Variants in KCNMA1 observed in about 807,000 individuals in gnomAD.
KCNMA1 encodes the protein Calcium-activated potassium channel subunit alpha-1.
KCNMA1 carries 29 observed loss-of-function variants against 140.0 expected under a neutral mutation model. The ratio of observed to expected loss-of-function variants is 0.21; its 90% CI spans 0.15 to 0.28. The LOEUF (loss-of-function observed/expected upper bound fraction) is 0.28, where lower values mean the gene tolerates loss of function less well. Among genes scored for constraint, KCNMA1 ranks in the 10% least tolerant of loss-of-function variants. The pLI, the probability that KCNMA1 is intolerant of heterozygous loss-of-function variation, is 1.00. For missense variants in KCNMA1, 880 were observed against 1,602.2 expected (o/e 0.55, Z 7.70); for synonymous variants, 612 against 611.9 (o/e 1.00, Z 0.00).
At chr10:76,945,452 T>C (rs1221426318) in intron 22 of KCNMA1, among the ~76,000 whole-genome samples, 1 of 152,042 alleles carries the variant, frequency 6.6e-6, no homozygotes, top group South Asian at 2.1e-4. Flanking sequence ...AAATGGCCAG[T>C]GAGCACAGAG....
At chr10:77,222,429 A>G (rs573362363) in intron 3 of KCNMA1, among the ~76,000 whole-genome samples, 6 of 152,350 alleles carry the variant, frequency 3.9e-5, no homozygotes, top group South Asian at 2.1e-4. Flanking sequence ...AAACATTTCA[A>G]TCATGTACAA....
At chr10:76,901,217 A>C (rs2045213921) in intron 25 of KCNMA1, 1 of 152,202 alleles carries the variant, frequency 6.6e-6, no homozygotes, top group Non-Finnish European at 1.5e-5. Flanking sequence ...TTTAGAAGGA[A>C]AGACACCAAA....
chr10:77,370,905 A>G (rs2094655206), intron 2 of KCNMA1, among the ~76,000 whole-genome samples: 1 of 152,102 alleles, frequency 6.6e-6, no homozygotes, highest in Non-Finnish European at 1.5e-5. Context: ...TGCACAAAAT[A>G]CCTGATACAC....
At position 77,440,483 on chromosome 10, in the gene KCNMA1, C is replaced by A. The variant is rs17411325; in HGVS notation, c.379-36460G>T. ...CGCTGCTTGCTAGAGAAGCCCAAGA[C>A]CCCCTCTCTGACCTCCAGGAAGACT... On this transcript the variant is annotated intron_variant, in intron 1 of 27. Transcript: ENST00000286628. Among the ~76,000 whole-genome samples, 979 of 152,302 alleles carry A rather than the reference C, an allele frequency of 6.4e-3. 10 individuals carry two copies. Among genetic ancestry groups the A allele is most frequent in the Middle Eastern group, 0.054 (16 of 294 alleles).
intron 1 of KCNMA1, among the ~76,000 whole-genome samples, chr10:77,620,415 T>C (rs1029670795): frequency 2.0e-5 from 3 of 152,060 alleles, no homozygotes; most frequent in African/African-American, 7.2e-5. Context: ...GAGGTAAAAA[T>C]AGCACAGTTG....
At chr10:77,157,906 C>G (rs1367418579) in intron 5 of KCNMA1, among the ~76,000 whole-genome samples, 1 of 152,200 alleles carries the variant, frequency 6.6e-6, no homozygotes, top group Non-Finnish European at 1.5e-5. Context: ...CAAGGTCCTC[C>G]TCCTCCTTAG....
rs148237681 is a variant in KCNMA1 at position 77,490,076 on chromosome 10, A to T, written c.379-86053T>A. On this transcript the variant is annotated intron_variant, in intron 1 of 27. Transcript: ENST00000286628. ...AGTGTCCCTGGCCGCTACGCACCGG[A>T]TGCCAGCAGCACCCACCCCAATTTG... Among the ~76,000 whole-genome samples, 9 of 152,310 alleles carry T rather than the reference A, an allele frequency of 5.9e-5. No homozygotes were observed. In the East Asian group the frequency reaches 1.5e-3, roughly 26 times the overall value.
downstream of KCNMA1, chr10:76,872,880 C>G (rs1176673426): frequency 6.6e-6 from 1 of 152,078 alleles, no homozygotes; most frequent in Non-Finnish European, 1.5e-5. Context: ...CTTATTATAT[C>G]TTTTTCTTTT....
intron 2 of KCNMA1, among the ~76,000 whole-genome samples, chr10:77,359,828 C>G (rs774189854): frequency 6.6e-6 from 1 of 152,194 alleles, no homozygotes; most frequent in Non-Finnish European, 1.5e-5. Context: ...ATAAGCCAAT[C>G]AATTTTCCTG....
chr10:77,538,122 A>C (rs1415533941), intron 1 of KCNMA1, among the ~76,000 whole-genome samples: 1 of 151,476 alleles, frequency 6.6e-6, no homozygotes, highest in Admixed American at 6.6e-5. Flanking sequence ...ACTCACACAC[A>C]CCCACATACT....
chr10:77,402,102 C>T (rs1213241520), intron 2 of KCNMA1, among the ~76,000 whole-genome samples: 1 of 152,210 alleles, frequency 6.6e-6, no homozygotes, highest in Non-Finnish European at 1.5e-5. Flanking sequence ...CTGCTGCTCC[C>T]CATTCACTAT....
intron 22 of KCNMA1, among the ~76,000 whole-genome samples, chr10:76,945,184 G>A (rs2063575569): frequency 6.6e-6 from 1 of 152,156 alleles, no homozygotes. Flanking sequence ...AATCTAAAGG[G>A]TAGTCGGTGC....
At chr10:76,917,406 C>T (rs1236112922) in intron 23 of KCNMA1, among the ~76,000 whole-genome samples, 2 of 152,192 alleles carry the variant, frequency 1.3e-5, no homozygotes, top group Non-Finnish European at 2.9e-5. Context: ...TTACAGAACT[C>T]GCAACAAGCC....
chr10:77,011,400 C>T (rs896580829), intron 18 of KCNMA1, among the ~76,000 whole-genome samples: 5 of 152,096 alleles, frequency 3.3e-5, no homozygotes, highest in African/African-American at 9.7e-5. Flanking sequence ...TGCTTGAGGT[C>T]GACCTTTGGA....
intron 18 of KCNMA1, among the ~76,000 whole-genome samples, chr10:77,011,018 C>T (rs918362171): frequency 3.3e-5 from 5 of 151,962 alleles, no homozygotes; most frequent in Non-Finnish European, 7.4e-5. Context: ...AGCTTAGTTT[C>T]CTCTTTTTGT....
chr10:77,135,403 T>A (rs1225722105), intron 5 of KCNMA1, among the ~76,000 whole-genome samples: 3 of 152,134 alleles, frequency 2.0e-5, no homozygotes, highest in Non-Finnish European at 4.4e-5. Context: ...GAAGGTAAAT[T>A]AGTACTATTT....
At chr10:77,365,836 G>A (rs1190786803) in intron 2 of KCNMA1, among the ~76,000 whole-genome samples, 1 of 152,138 alleles carries the variant, frequency 6.6e-6, no homozygotes, top group East Asian at 1.9e-4. Flanking sequence ...GCCCTACTTA[G>A]AAACCATCTT....
In KCNMA1 at chr10:77,521,331, C is replaced by G. The variant is rs529856090; in HGVS notation, c.378+115934G>C. On this transcript the variant is annotated intron_variant, in intron 1 of 27. Coordinates refer to ENST00000286628, the MANE Select transcript of KCNMA1 (RefSeq NM_001161352.2). ...CTCAGAAAACCTCCCTGATACCCATCTTCCATCCTCCACCCCTACATTCTC... is the reference window on the plus strand; with the variant it reads ...CTCAGAAAACCTCCCTGATACCCATGTTCCATCCTCCACCCCTACATTCTC... Among the ~76,000 whole-genome samples, 6 of 152,346 alleles carry G rather than the reference C, an allele frequency of 3.9e-5. No individual in the cohort carries two copies. The South Asian group carries it at 1.2e-3, about 32-fold the overall frequency.
intron 23 of KCNMA1, among the ~76,000 whole-genome samples, chr10:76,941,053 G>GAA (rs55655308): frequency 0.31 from 16,217 of 52,048 alleles, 2,921 homozygotes; most frequent in Non-Finnish European, 0.34. Context: ...AAGAAAGAAA[G>GAA]AGAAAGAAAG....
Sources: gnomAD v4.1 joint callset for allele counts (sites outside exome capture counted in the v4.1 genomes callset) on GRCh38, gnomAD v4.1.1 for gene constraint, MANE v1.5 for transcripts, NCBI Gene and HGNC (gene_info 2026-07-23, HGNC 2026-07-21) for gene names.